Variants in NEB observed in about 807,000 individuals in gnomAD.
NEB encodes nemaline myopathy type 2.
Under a neutral mutation model 952.2 loss-of-function variants are expected in NEB, and 512 were observed. That is an observed-to-expected ratio of 0.54 (90% CI 0.50 to 0.58). The LOEUF (loss-of-function observed/expected upper bound fraction) is 0.58. NEB is among the 20% of genes least tolerant of loss of function. The pLI, the probability that NEB is intolerant of heterozygous loss-of-function variation, is 0.00. For missense variants in NEB, 8,428 were observed against 9,231.1 expected (o/e 0.91, Z 3.56); for synonymous variants, 2,900 against 3,149.8 (o/e 0.92, Z 2.66).
At chr2:151,664,984 G>T in intron 42 of NEB, 121 bp from the exon 43 acceptor site, 1 of 752,420 alleles carries the variant, frequency 1.3e-6, no homozygotes, top group African/African-American at 1.8e-5. Context: ...GAAAATGGAT[G>T]AAATAACAAA....
At chr2:151,620,356 T>TATAC (rs1320792472) in intron 72 of NEB, among the ~76,000 whole-genome samples, 1 of 64,358 alleles carries the variant, frequency 1.6e-5, no homozygotes. Context: ...TGTATATATA[T>TATAC]ATATATATAT....
At chr2:151,677,281 G>A (rs2099370373) in intron 34 of NEB, among the ~76,000 whole-genome samples, 1 of 152,168 alleles carries the variant, frequency 6.6e-6, no homozygotes, top group Non-Finnish European at 1.5e-5. Context: ...GTGTATGTGT[G>A]TAGTCCTAGA....
At position 151,547,800 on chromosome 2, in the gene NEB, T is replaced by C; in HGVS notation, c.20158-62A>G. ...GGGGACGACGAGGGCATCTACTGAC[T>C]AATCAAGAATAAAATATTTTACATA... On this transcript the variant is annotated intron_variant, in intron 131 of 181. Transcript: ENST00000397345. 1.9e-6 allele frequency: 2 copies of C among 1,060,966 alleles called. 1 individual carries two copies. The highest frequency in any genetic ancestry group is 2.8e-6 in the Non-Finnish European group (2 of 717,578). The allele number at this position is 1,060,966 out of a possible 1,614,324, so 65.7% of individuals were successfully genotyped here. A position where few individuals can be genotyped will look rare whatever the true frequency, so the allele number is the denominator to read the frequency against.
chr2:151,687,777 GTA>G, intron 25 of NEB, 44 bp from the exon 26 acceptor site: 1 of 1,498,440 alleles, frequency 6.7e-7, no homozygotes, highest in Admixed American at 2.0e-5. Flanking sequence ...GAACAACAGT[GTA>G]ATCCAGTAAA....
intron 161 of NEB, among the ~76,000 whole-genome samples, chr2:151,508,957 G>C (rs1406295121): frequency 1.3e-5 from 2 of 152,174 alleles, no homozygotes; most frequent in Non-Finnish European, 2.9e-5. Context: ...GCTTGTCACT[G>C]TCCTTTCACT....
chr2:151,540,665 C>G, intron 137 of NEB, 32 bp downstream of exon 137: 1 of 1,570,118 alleles, frequency 6.4e-7, no homozygotes. Context: ...TTTCTTTTTA[C>G]CCAGTGCCTC....
rs544605837 is a variant in NEB, at chr2:151,731,291, T to A, written c.37-1635A>T. On this transcript the variant is annotated intron_variant, in intron 3 of 181. Coordinates refer to ENST00000397345, the MANE Select transcript of NEB (RefSeq NM_001164508.2). ...TTGTATGCCAAATCTCACTCTTTTT[T>A]TAGAGCTGTGCCACTAATTAGATAG... is the stretch of plus-strand genomic sequence containing the variant. Among the ~76,000 whole-genome samples, 11 of 152,328 alleles carry A rather than the reference T, an allele frequency of 7.2e-5. No individual in the cohort carries two copies. In the East Asian group the frequency reaches 1.5e-3, roughly 21 times the overall value.
At position 151,575,749 on chromosome 2, in the gene NEB, C is replaced by T. The variant is rs913089722; in HGVS notation, c.16959G>A (p.Met5653Ile). ...CGAGATTAATTTCTGGAGTATCTGG[C>T]ATTATGTGTATTGAAGTTTTATCCT... Reference protein sequence around the residue: ...WDKDKTSIHIMPDTPEINLAR... With the variant: ...WDKDKTSIHIIPDTPEINLAR... The change falls in exon 107 of 182, where the codon ATG becomes ATA. Residue 5653 changes from methionine (M) to isoleucine (I), a missense_variant. Around this residue, in one of 11 missense-constraint regions of NEB, gnomAD observed 3,374 missense variants for 3,651.5 expected, o/e 0.92. Transcript: ENST00000397345. 1 of 1,611,156 alleles carries T rather than the reference C, an allele frequency of 6.2e-7. No individual in the cohort carries two copies. The highest frequency in any genetic ancestry group is 1.3e-5 in the African/African-American group (1 of 74,884).
At position 151,650,297 on chromosome 2, in the gene NEB, C is replaced by T. The variant is rs61730780; in HGVS notation, c.7310G>A (p.Arg2437Gln). The change falls in exon 54 of 182, where the codon CGG (arginine) becomes CAG (glutamine). Residue 2437 changes from arginine (R) to glutamine (Q), a missense_variant. Coordinates refer to ENST00000397345, the MANE Select transcript of NEB (RefSeq NM_001164508.2). ...CTTCTCACTGATGATTTCCGAAGCC[C>T]GCTTGTTCTTTTCTGCCTCTAAAGA... ...LGSLEAEKNK[R>Q]ASEIISEKKY... 16,743 of 1,613,802 alleles carry T rather than the reference C, an allele frequency of 0.01. 1,528 individuals are homozygous for T. In the Admixed American group the frequency reaches 0.21, roughly 20 times the overall value.
chr2:151,725,585 C>T (rs2099788053), intron 5 of NEB, 25 bp from the exon 6 acceptor site: 4 of 1,586,024 alleles, frequency 2.5e-6, no homozygotes, highest in Non-Finnish European at 2.6e-6. Flanking sequence ...AGATATTAGC[C>T]TAACAAGACA....
At position 151,684,875 on chromosome 2, in the gene NEB, C is replaced by T. The variant is rs1293779863; in HGVS notation, c.2738G>A (p.Ser913Asn). Residue 913 changes from serine (S) to asparagine (N), a missense_variant, in exon 28 of 182, where the codon AGC becomes AAC. Coordinates refer to ENST00000397345, the MANE Select transcript of NEB (RefSeq NM_001164508.2). ...TAAGATGTGCTTATAATCAACGTCGCTGGCAATTGCCTGAGATTTCTTAGC... is the reference window on the plus strand; with the variant it reads ...TAAGATGTGCTTATAATCAACGTCGTTGGCAATTGCCTGAGATTTCTTAGC... ...TQAKKSQAIASDVDYKHILHS... is the reference protein window; with the variant it reads ...TQAKKSQAIANDVDYKHILHS... The T allele has an allele frequency of 4.3e-6, 7 of 1,613,176 alleles. No individual in the cohort carries two copies. The South Asian group carries it at 6.6e-5, about 15-fold the overall frequency.
chr2:151,698,583 T>C (rs997647145), intron 13 of NEB, among the ~76,000 whole-genome samples: 80 of 152,088 alleles, frequency 5.3e-4, no homozygotes, highest in Non-Finnish European at 1.0e-3. Context: ...ATTTCTCTCT[T>C]AGCATGTTTT....
At chr2:151,726,106 A>G (rs915746660) in intron 5 of NEB, among the ~76,000 whole-genome samples, 1 of 152,188 alleles carries the variant, frequency 6.6e-6, no homozygotes, top group Non-Finnish European at 1.5e-5. Context: ...ATAATTTATC[A>G]TTATAAATGT....
At position 151,650,821 on chromosome 2, in the gene NEB, T is replaced by C; in HGVS notation, c.6980A>G (p.Asp2327Gly). 1.2e-6 allele frequency: 2 copies of C among 1,613,932 alleles called. No homozygotes were observed. The highest frequency in any genetic ancestry group is 1.7e-6 in the Non-Finnish European group (2 of 1,179,836). The change falls in exon 53 of 182, where the codon GAT (aspartate) becomes GGT (glycine). Residue 2327 changes from aspartate (D) to glycine (G), a missense_variant. By Grantham distance (94) the Asp-to-Gly change is moderately conservative (BLOSUM62 -1). Transcript: ENST00000397345. Reference sequence around the variant, plus strand: ...CATGGACAACACAAGTTTTGGGTCATCTTGCAGACTCCGGAATCCAACATG... The same window carrying C: ...CATGGACAACACAAGTTTTGGGTCACCTTGCAGACTCCGGAATCCAACATG... ...GHHVGFRSLQDDPKLVLSMNV... is the reference protein window; with the variant it reads ...GHHVGFRSLQGDPKLVLSMNV...
chr2:151,552,430 C>A (rs895159531), intron 128 of NEB, among the ~76,000 whole-genome samples: 1 of 152,192 alleles, frequency 6.6e-6, no homozygotes, highest in Non-Finnish European at 1.5e-5. Context: ...GTTGGAAGTG[C>A]TAAGGCACAA....
At chr2:151,532,384 A>T (rs2091769902) in intron 143 of NEB, among the ~76,000 whole-genome samples, 1 of 152,200 alleles carries the variant, frequency 6.6e-6, no homozygotes, top group South Asian at 2.1e-4. Context: ...AACATGTACA[A>T]TCTCCAAAGG....
At chr2:151,511,890 G>A (rs1275919045) in intron 161 of NEB, among the ~76,000 whole-genome samples, 1 of 151,966 alleles carries the variant, frequency 6.6e-6, no homozygotes, top group Admixed American at 6.6e-5. Flanking sequence ...CATTTTTAAA[G>A]CCACATCATA....
Position 151,531,833 on chromosome 2 carries a change from C to T in NEB, c.21481G>A (p.Glu7161Lys). 7 of 1,613,132 alleles carry T rather than the reference C, an allele frequency of 4.3e-6. No individual in the cohort carries two copies. The highest frequency in any genetic ancestry group is 5.9e-6 in the Non-Finnish European group (7 of 1,179,456). ...DKFTSIVDTP[E>K]HLRTTKVNKQ... Reference sequence around the variant, plus strand: ...TTGACTTTTGTAGTACGCAGGTGTTCTGGAGTATCCACAATTGAGGTAAAT... The same window carrying T: ...TTGACTTTTGTAGTACGCAGGTGTTTTGGAGTATCCACAATTGAGGTAAAT... The change falls in exon 144 of 182, where the codon GAA (glutamate) becomes AAA (lysine). Residue 7161 changes from glutamate (E) to lysine (K), a missense_variant. Glu to Lys is a moderately conservative substitution (Grantham distance 56, BLOSUM62 1). Coordinates refer to ENST00000397345, the MANE Select transcript of NEB (RefSeq NM_001164508.2).
chr2:151,524,100 TA>T (rs1301715648), intron 153 of NEB, among the ~76,000 whole-genome samples: 1 of 152,116 alleles, frequency 6.6e-6, no homozygotes, highest in African/African-American at 2.4e-5. Context: ...CAAATGCCCA[TA>T]AATGGTAAAG....
Sources: allele counts gnomAD v4.1 joint callset (sites outside exome capture counted in the v4.1 genomes callset), GRCh38; gene constraint gnomAD v4.1.1; regional missense constraint gnomAD v4.1.1; transcripts MANE v1.5; gene names NCBI Gene and HGNC (gene_info 2026-07-23, HGNC 2026-07-21).